RCOR1: variants seen among roughly 807,000 people sequenced by gnomAD.
RCOR1 encodes the protein REST corepressor 1.
RCOR1 carries 12 observed loss-of-function variants against 64.0 expected under a neutral mutation model. The ratio of observed to expected loss-of-function variants is 0.19; its 90% confidence interval spans 0.12 to 0.30. RCOR1 has a LOEUF of 0.30. RCOR1 is among the 10% of genes least tolerant of loss of function. The pLI, the probability that RCOR1 is intolerant of heterozygous loss-of-function variation, is 1.00. For missense variants in RCOR1, 502 were observed against 621.2 expected, an observed-to-expected ratio of 0.81 and a Z score of 2.04; for synonymous variants, 279 against 227.2, an observed-to-expected ratio of 1.23 and a Z score of -2.05.
chr14:102,708,443 C>T (rs770260700), intron 5 of RCOR1, 22 bp from the exon 6 acceptor site: 1 of 1,269,276 alleles, frequency 7.9e-7, no homozygotes, highest in Admixed American at 1.7e-5. Flanking sequence ...TTTAAATAAA[C>T]CAACTCATTT....
At chr14:102,638,030 C>CA (rs549927630) in intron 2 of RCOR1, among the ~76,000 whole-genome samples, 4 of 151,522 alleles carry the variant, frequency 2.6e-5, no homozygotes, top group South Asian at 2.1e-4. Flanking sequence ...CAAAAACGAA[C>CA]AAAAAAAAAT....
chr14:102,643,896 G>C (rs1408311390), intron 2 of RCOR1, among the ~76,000 whole-genome samples: 1 of 152,194 alleles, frequency 6.6e-6, no homozygotes, highest in Non-Finnish European at 1.5e-5. Flanking sequence ...TCTTCTTTGG[G>C]AGAAAACTGG....
intron 2 of RCOR1, among the ~76,000 whole-genome samples, chr14:102,601,576 G>A (rs1446450948): frequency 6.6e-6 from 1 of 152,174 alleles, no homozygotes; most frequent in Non-Finnish European, 1.5e-5. Context: ...AGAGAGGGAA[G>A]GAATGATGAT....
At chr14:102,696,111 G>A (rs1895643900) in intron 3 of RCOR1, among the ~76,000 whole-genome samples, 1 of 152,012 alleles carries the variant, frequency 6.6e-6, no homozygotes, top group South Asian at 2.1e-4. Flanking sequence ...ATCATCTGAT[G>A]ACTTGGCATT....
At chr14:102,651,793 G>T (rs933618113) in intron 2 of RCOR1, among the ~76,000 whole-genome samples, 1 of 152,032 alleles carries the variant, frequency 6.6e-6, no homozygotes, top group Non-Finnish European at 1.5e-5. Flanking sequence ...ACTGCTGCTG[G>T]CAACTTCTGG....
intron 2 of RCOR1, among the ~76,000 whole-genome samples, chr14:102,619,473 C>CTTTT (rs35488660): frequency 6.9e-5 from 9 of 131,220 alleles, no homozygotes; most frequent in Non-Finnish European, 9.5e-5. Flanking sequence ...TCTATCTAAT[C>CTTTT]TTTTTTTTTT....
At chr14:102,717,465 T>C (rs1445952298) in intron 8 of RCOR1, among the ~76,000 whole-genome samples, 1 of 152,226 alleles carries the variant, frequency 6.6e-6, no homozygotes, top group Non-Finnish European at 1.5e-5. Flanking sequence ...ACAGCTGCAC[T>C]CTAATCTTAG....
chr14:102,696,057 T>C (rs1406056137), intron 3 of RCOR1, among the ~76,000 whole-genome samples: 2 of 152,140 alleles, frequency 1.3e-5, no homozygotes, highest in African/African-American at 4.8e-5. Flanking sequence ...CTTGTCAGTA[T>C]AGATGCCGAA....
chr14:102,676,591 C>T (rs1226162667), intron 2 of RCOR1, among the ~76,000 whole-genome samples: 19 of 77,028 alleles, frequency 2.5e-4, no homozygotes, highest in South Asian at 5.3e-4. Context: ...CGGGCAGAGG[C>T]GCCCCTCACC....
intron 2 of RCOR1, among the ~76,000 whole-genome samples, chr14:102,653,439 C>T (rs572583280): frequency 2.0e-4 from 30 of 152,270 alleles, no homozygotes; most frequent in East Asian, 1.7e-3. Context: ...AGGCTGGCCT[C>T]GGCTTCCCAA....
At chr14:102,689,111 A>G (rs1895480087) in intron 3 of RCOR1, among the ~76,000 whole-genome samples, 1 of 152,218 alleles carries the variant, frequency 6.6e-6, no homozygotes, top group African/African-American at 2.4e-5. Flanking sequence ...AAGCAGCTGA[A>G]CGTTAACAAA....
chr14:102,653,468 A>G (rs1894634920), intron 2 of RCOR1, among the ~76,000 whole-genome samples: 1 of 152,276 alleles, frequency 6.6e-6, no homozygotes, highest in Non-Finnish European at 1.5e-5. Flanking sequence ...GATTACAGGC[A>G]TGAGCCACCA....
At chr14:102,701,229 T>C (rs759515560) in intron 3 of RCOR1, 49 bp from the exon 4 acceptor site, 16 of 1,429,140 alleles carry the variant, frequency 1.1e-5, no homozygotes, top group Admixed American at 1.0e-4. Context: ...GACCATAGGG[T>C]GTACTCTGTC....
chr14:102,661,661 G>A (rs944377780), intron 2 of RCOR1, among the ~76,000 whole-genome samples: 26 of 152,158 alleles, frequency 1.7e-4, no homozygotes, highest in African/African-American at 6.3e-4. Context: ...AGCGCAGGAC[G>A]GGCATTTCTG....
At position 102,616,314 on chromosome 14, in the gene RCOR1, G is replaced by A. The variant is rs544452310; in HGVS notation, c.361+22989G>A. ...GTTAGGGTCTTTCCCCAGTTGCCAA[G>A]GCTGGAGTGCAGTGGTGCGATCACA... is the stretch of plus-strand genomic sequence containing the variant. On this transcript the variant is annotated intron_variant, in intron 2 of 11. Coordinates refer to ENST00000262241, the MANE Select transcript of RCOR1 (RefSeq NM_015156.4). Among the ~76,000 whole-genome samples, 5 of 151,744 alleles carry A rather than the reference G, an allele frequency of 3.3e-5. No individual in the cohort carries two copies. The South Asian group carries it at 1.0e-3, about 31-fold the overall frequency.
At chr14:102,652,697 C>G (rs534615801) in intron 2 of RCOR1, among the ~76,000 whole-genome samples, 13 of 152,228 alleles carry the variant, frequency 8.5e-5, no homozygotes, top group African/African-American at 2.2e-4. Flanking sequence ...GAATCAGCCT[C>G]CCAGCTGACT....
chr14:102,690,022 C>T (rs934722691), intron 3 of RCOR1, among the ~76,000 whole-genome samples: 5 of 151,826 alleles, frequency 3.3e-5, no homozygotes, highest in Non-Finnish European at 5.9e-5. Flanking sequence ...GGATTACAGG[C>T]GTGAGTCACC....
At chr14:102,708,194 T>TG (rs1247036303) in intron 5 of RCOR1, among the ~76,000 whole-genome samples, 4 of 152,162 alleles carry the variant, frequency 2.6e-5, no homozygotes, top group Admixed American at 2.6e-4. Context: ...CTCGATCTCT[T>TG]GACCTCGTGA....
At position 102,707,521 on chromosome 14, in the gene RCOR1, A is replaced by G. The variant is rs369257488; in HGVS notation, c.660+9A>G. The G allele has an allele frequency of 2.5e-6, 4 of 1,593,318 alleles. No individual in the cohort carries two copies. Among genetic ancestry groups the G allele is most frequent in the African/African-American group, 2.7e-5 (2 of 73,574 alleles). ...ATAGAATCCAACAAATGGTAAGTAG[A>G]TGAGACCACTGAGTTCTATTTTTTT... On this transcript the variant is annotated intron_variant, in intron 5 of 11. Transcript: ENST00000262241.
Sources: gnomAD v4.1 joint callset for allele counts (sites outside exome capture counted in the v4.1 genomes callset) on GRCh38, gnomAD v4.1.1 for gene constraint, MANE v1.5 for transcripts, NCBI Gene and HGNC (gene_info 2026-07-23, HGNC 2026-07-21) for gene names.